The following SEMA5A variants were observed in gnomAD, a reference collection of about 807,000 sequenced individuals.
The protein encoded by SEMA5A is semaphorin-5A.
SEMA5A carries 55 observed loss-of-function variants against 135.5 expected under a neutral mutation model. The ratio of observed to expected loss-of-function variants is 0.41; its 90% CI spans 0.33 to 0.51. SEMA5A has a LOEUF of 0.51. Ranked by LOEUF, SEMA5A falls within the 20% of genes least tolerant of loss-of-function variation. SEMA5A has a pLI of 0.37. For missense variants in SEMA5A, 1,290 were observed against 1,419.9 expected (o/e 0.91, Z 1.47); for synonymous variants, 580 against 546.5 (o/e 1.06, Z -0.85).
At chr5:9,499,058 G>T (rs418373) in intron 1 of SEMA5A, among the ~76,000 whole-genome samples, 1 of 152,170 alleles carries the variant, frequency 6.6e-6, no homozygotes, top group Non-Finnish European at 1.5e-5. Flanking sequence ...AACATAGGCA[G>T]CGAAAGGTCC....
intron 3 of SEMA5A, among the ~76,000 whole-genome samples, chr5:9,353,140 A>G (rs1415634140): frequency 2.3e-5 from 2 of 85,396 alleles, no homozygotes; most frequent in African/African-American, 5.2e-5. Context: ...AGGAAAGGAA[A>G]GGAAAGGAAA....
At chr5:9,185,107 T>C (rs983868163) in intron 11 of SEMA5A, among the ~76,000 whole-genome samples, 2 of 152,172 alleles carry the variant, frequency 1.3e-5, no homozygotes, top group African/African-American at 4.8e-5. Context: ...TTAAAAATGT[T>C]TGTAGATGTG....
intron 16 of SEMA5A, among the ~76,000 whole-genome samples, chr5:9,083,901 G>T (rs774839492): frequency 3.9e-5 from 6 of 152,160 alleles, no homozygotes; most frequent in African/African-American, 7.2e-5. Context: ...AGACTGACTT[G>T]TTTCATATAC....
intron 1 of SEMA5A, among the ~76,000 whole-genome samples, chr5:9,508,010 A>AAAAG (rs1735993893): frequency 5.8e-5 from 3 of 51,744 alleles, no homozygotes; most frequent in South Asian, 1.2e-3. Flanking sequence ...TCTCAAAAAA[A>AAAAG]AAAAAAAGAA....
intron 1 of SEMA5A, among the ~76,000 whole-genome samples, chr5:9,499,125 C>A (rs915939217): frequency 1.3e-5 from 2 of 152,144 alleles, no homozygotes; most frequent in East Asian, 1.9e-4. Context: ...CCTGGTGGAA[C>A]AAGGGAGATG....
At chr5:9,437,464 C>G (rs971330773) in intron 2 of SEMA5A, among the ~76,000 whole-genome samples, 1 of 152,112 alleles carries the variant, frequency 6.6e-6, no homozygotes, top group Non-Finnish European at 1.5e-5. Context: ...TCAAGTGATC[C>G]TCATGCCTCA....
At chr5:9,257,837 G>A (rs1749161826) in intron 5 of SEMA5A, among the ~76,000 whole-genome samples, 1 of 152,128 alleles carries the variant, frequency 6.6e-6, no homozygotes, top group African/African-American at 2.4e-5. Context: ...CAGGAACAGG[G>A]TACACAGGGG....
intron 1 of SEMA5A, among the ~76,000 whole-genome samples, chr5:9,515,136 A>G (rs753264832): frequency 2.0e-5 from 3 of 152,200 alleles, no homozygotes; most frequent in African/African-American, 4.8e-5. Flanking sequence ...ATCATTTGGC[A>G]ACTCAGTCCA....
chr5:9,497,574 T>C (rs1346413241), intron 1 of SEMA5A, among the ~76,000 whole-genome samples: 1 of 152,166 alleles, frequency 6.6e-6, no homozygotes, highest in Non-Finnish European at 1.5e-5. Flanking sequence ...TGTTTGCAAA[T>C]ACTTAGCCTG....
At chr5:9,152,985 T>C (rs968909860) in intron 12 of SEMA5A, among the ~76,000 whole-genome samples, 4 of 151,876 alleles carry the variant, frequency 2.6e-5, no homozygotes, top group African/African-American at 9.7e-5. Flanking sequence ...AGAGAATCGC[T>C]TGAACCCAGG....
chr5:9,170,872 G>A (rs1328206666), intron 11 of SEMA5A, among the ~76,000 whole-genome samples: 1 of 152,140 alleles, frequency 6.6e-6, no homozygotes, highest in Non-Finnish European at 1.5e-5. Context: ...TCCTACTGGG[G>A]AGTTTCCAGC....
chr5:9,484,347 A>G (rs1316333823), intron 1 of SEMA5A, among the ~76,000 whole-genome samples: 1 of 152,202 alleles, frequency 6.6e-6, no homozygotes, highest in Non-Finnish European at 1.5e-5. Flanking sequence ...TAATAAAAAG[A>G]AATTCCTTCC....
At chr5:9,185,208 G>A (rs1422571365) in intron 11 of SEMA5A, among the ~76,000 whole-genome samples, 1 of 152,182 alleles carries the variant, frequency 6.6e-6, no homozygotes, top group Non-Finnish European at 1.5e-5. Context: ...GATTACAGGT[G>A]TGAGCCACTG....
chr5:9,460,278 C>G (rs1382584032), intron 1 of SEMA5A, among the ~76,000 whole-genome samples: 1 of 152,066 alleles, frequency 6.6e-6, no homozygotes, highest in African/African-American at 2.4e-5. Context: ...TGGGTTAGAA[C>G]AACTGTCAGT....
At chr5:9,332,708 T>C (rs1753208382) in intron 4 of SEMA5A, among the ~76,000 whole-genome samples, 1 of 152,232 alleles carries the variant, frequency 6.6e-6, no homozygotes, top group South Asian at 2.1e-4. Flanking sequence ...GGGCTGCTAC[T>C]CACATTGGGC....
chr5:9,131,843 T>C (rs1741452768), intron 13 of SEMA5A, among the ~76,000 whole-genome samples: 1 of 151,920 alleles, frequency 6.6e-6, no homozygotes, highest in African/African-American at 2.4e-5. Flanking sequence ...CATGATGCAT[T>C]TTGGAATAGG....
At chr5:9,163,690 A>G (rs1743422597) in intron 11 of SEMA5A, among the ~76,000 whole-genome samples, 1 of 152,144 alleles carries the variant, frequency 6.6e-6, no homozygotes, top group Non-Finnish European at 1.5e-5. Context: ...AGGCTCTCTA[A>G]AGTGATTTAA....
chr5:9,199,243 C>T (rs919912245), intron 9 of SEMA5A, among the ~76,000 whole-genome samples: 1 of 152,166 alleles, frequency 6.6e-6, no homozygotes, highest in Non-Finnish European at 1.5e-5. Context: ...CCAGTAGCTG[C>T]CAGTCTGAGC....
intron 15 of SEMA5A, among the ~76,000 whole-genome samples, chr5:9,112,217 T>C (rs2150163719): frequency 6.6e-6 from 1 of 152,346 alleles, no homozygotes; most frequent in East Asian, 1.9e-4. Context: ...TAGCACTGTT[T>C]CTCTATAAAT....
Sources: gnomAD v4.1 joint callset for allele counts (sites outside exome capture counted in the v4.1 genomes callset) on GRCh38, gnomAD v4.1.1 for gene constraint, MANE v1.5 for transcripts, NCBI Gene and HGNC (gene_info 2026-07-23, HGNC 2026-07-21) for gene names.